Variants in BANP observed in about 807,000 individuals in gnomAD.
BANP encodes the protein protein BANP.
Under a neutral mutation model 68.1 loss-of-function variants are expected in BANP, and 11 were observed. The ratio of observed to expected loss-of-function variants is 0.16; its 90% confidence interval spans 0.10 to 0.27. The LOEUF (loss-of-function observed/expected upper bound fraction) is 0.27, where lower values mean the gene tolerates loss of function less well. BANP is among the 10% of genes least tolerant of loss of function. The pLI is 1.00. For synonymous variants in BANP, 329 were observed against 303.2 expected, an observed-to-expected ratio of 1.09 and a Z score of -0.88; for missense variants, 504 against 722.7, an observed-to-expected ratio of 0.70 and a Z score of 3.47.
chr16:88,002,383 C>G lies in BANP; in HGVS notation c.363-1912C>G, dbSNP rs1458645405. On this transcript the variant is annotated intron_variant, in intron 4 of 13. Transcript: ENST00000682872. This position sits in a 1 kb window ranked among gnomAD's most constrained non-coding sequence, Gnocchi z 4.6. ...TCAGCCGGTGAGGTGCTGGTTTTGT[C>G]ACGCCCGTGCTGGTGTTCAGGTGGC... is the stretch of plus-strand genomic sequence containing the variant. 1.3e-5 allele frequency among the ~76,000 whole-genome samples: 2 copies of G among 152,112 alleles called. No individual in the cohort carries two copies. The highest frequency in any genetic ancestry group is 2.9e-5 in the Non-Finnish European group (2 of 68,022).
At chr16:88,053,155 A>G (rs1260515579) in intron 11 of BANP, among the ~76,000 whole-genome samples, 8 of 151,600 alleles carry the variant, frequency 5.3e-5, no homozygotes, top group African/African-American at 1.7e-4. Flanking sequence ...CACCAACACA[A>G]CCATAACCAC....
chr16:87,967,502 C>G (rs2060255832), intron 1 of BANP, among the ~76,000 whole-genome samples: 1 of 152,022 alleles, frequency 6.6e-6, no homozygotes, highest in African/African-American at 2.4e-5. Flanking sequence ...GTCACTGAGG[C>G]TGGAGTGTAG....
At chr16:88,014,366 T>C (rs538001979) in intron 6 of BANP, among the ~76,000 whole-genome samples, 2 of 151,704 alleles carry the variant, frequency 1.3e-5, no homozygotes, top group Admixed American at 1.3e-4. Context: ...AGGTGGAGCC[T>C]GGGGAGGACG....
chr16:87,984,416 T>C (rs2063887190), intron 4 of BANP, among the ~76,000 whole-genome samples, 157 bp downstream of exon 4: 1 of 152,244 alleles, frequency 6.6e-6, no homozygotes, highest in Non-Finnish European at 1.5e-5. Context: ...GACTTTTAGT[T>C]AGACCGAAAC....
intron 11 of BANP, among the ~76,000 whole-genome samples, chr16:88,044,586 A>T (rs1206303758): frequency 6.6e-6 from 1 of 152,248 alleles, no homozygotes; most frequent in African/African-American, 2.4e-5. Flanking sequence ...ATGATCGCTA[A>T]TGTCTCTTTC....
At chr16:88,025,731 CCT>C (rs2076864735) in intron 7 of BANP, among the ~76,000 whole-genome samples, 1 of 152,200 alleles carries the variant, frequency 6.6e-6, no homozygotes, top group Admixed American at 6.5e-5. Flanking sequence ...AACACTTCTT[CCT>C]CTGTTTTAAT....
In BANP at chr16:87,975,145, G is replaced by C; in HGVS notation, c.30G>C (p.Val10=). Residue 10 remains valine (V), a synonymous_variant, in exon 2 of 14, where the codon GTG becomes GTC. Coordinates refer to ENST00000682872, the MANE Select transcript of BANP (RefSeq NM_001386991.1). MMSEHDLAD[V]VQIAVEDLSP... is the part of the protein sequence containing the mutation. ...TGTCGGAACACGACCTGGCCGATGT[G>C]GTTCAGATTGCAGTGGAAGACCTGA... 1 of 1,614,110 alleles carries C rather than the reference G, an allele frequency of 6.2e-7. No individual in the cohort carries two copies. The highest frequency in any genetic ancestry group is 8.5e-7 in the Non-Finnish European group (1 of 1,179,998).
chr16:88,027,001 G>GACAT (rs2077128884), intron 7 of BANP, among the ~76,000 whole-genome samples: 1 of 152,258 alleles, frequency 6.6e-6, no homozygotes, highest in Non-Finnish European at 1.5e-5. Context: ...GTGAAGCCAG[G>GACAT]ACATGAAGGA....
At chr16:87,968,878 T>A (rs2060608687) in intron 1 of BANP, among the ~76,000 whole-genome samples, 1 of 152,226 alleles carries the variant, frequency 6.6e-6, no homozygotes, top group South Asian at 2.1e-4. Context: ...TATACTTCTT[T>A]TTCTTTTTGA....
intron 1 of BANP, chr16:87,966,798 G>C (rs942070271): frequency 3.3e-5 from 5 of 152,332 alleles, no homozygotes; most frequent in African/African-American, 4.8e-5. Context: ...CTTGGGTTTA[G>C]TCTGGCTGCA....
chr16:88,000,291 C>T (rs28418354), intron 4 of BANP, among the ~76,000 whole-genome samples: 517 of 6,698 alleles, frequency 0.077, 149 homozygotes, highest in Non-Finnish European at 0.17. Context: ...CGCACGTGCG[C>T]GGCTGTACTT....
intron 13 of BANP, among the ~76,000 whole-genome samples, chr16:88,074,920 T>C (rs762564348): frequency 2.6e-5 from 4 of 152,188 alleles, no homozygotes; most frequent in Non-Finnish European, 5.9e-5. Flanking sequence ...AAGCACAACC[T>C]GGACCAGGTG....
chr16:88,073,156 G>T (rs2090779475), intron 13 of BANP, among the ~76,000 whole-genome samples: 1 of 152,246 alleles, frequency 6.6e-6, no homozygotes, highest in Admixed American at 6.5e-5. Context: ...GGCGCTTGCT[G>T]AAGAAGTGGG....
chr16:88,008,834 T>C lies in BANP; in HGVS notation c.655+2569T>C, dbSNP rs1403673126. On this transcript the variant is annotated intron_variant, in intron 6 of 13. Transcript: ENST00000682872. ...GGGTGAACTGCAGAACTTTTTCTCA[T>C]CTTAAATTTGACTTTATTTTGAAGG... Among the ~76,000 whole-genome samples, 5 of 152,354 alleles carry C rather than the reference T, an allele frequency of 3.3e-5. 1 individual carries two copies. Among genetic ancestry groups the C allele is most frequent in the Admixed American group, 3.3e-4 (5 of 15,300 alleles).
intron 1 of BANP, among the ~76,000 whole-genome samples, chr16:87,965,454 G>A (rs1323214931): frequency 6.6e-6 from 1 of 152,010 alleles, no homozygotes; most frequent in Non-Finnish European, 1.5e-5. Context: ...CAAGGGTGAT[G>A]CTGAGGGACC....
rs1256393683 is a variant in BANP at position 88,002,486 on chromosome 16, T to C, written c.363-1809T>C. ...TTCAGAGCAGAGGTTGTTTTTTAGGTGGGAAAAGGGCTTTGTGGAAGGGAA... is the reference window on the plus strand; with the variant it reads ...TTCAGAGCAGAGGTTGTTTTTTAGGCGGGAAAAGGGCTTTGTGGAAGGGAA... On this transcript the variant is annotated intron_variant, in intron 4 of 13. Transcript: ENST00000682872. This position sits in a 1 kb window ranked among gnomAD's most constrained non-coding sequence, Gnocchi z 4.6. Among the ~76,000 whole-genome samples, 2 of 151,742 alleles carry C rather than the reference T, an allele frequency of 1.3e-5. No individual in the cohort carries two copies. The highest frequency in any genetic ancestry group is 4.8e-5 in the African/African-American group (2 of 41,268).
intron 11 of BANP, among the ~76,000 whole-genome samples, chr16:88,058,852 T>C (rs1015034409): frequency 6.6e-6 from 1 of 152,132 alleles, no homozygotes; most frequent in African/African-American, 2.4e-5. Flanking sequence ...CTCTTATTTA[T>C]AATGTTCAGG....
chr16:87,978,417 A>C, intron 2 of BANP: 1 of 348,168 alleles, frequency 2.9e-6, no homozygotes, highest in South Asian at 2.1e-5. Flanking sequence ...AATGAGTACG[A>C]GGGTCTCTCT....
rs868841320 is a variant in BANP, at chr16:87,974,987, C to G, written c.-68-61C>G. 3 of 777,604 alleles carry G rather than the reference C, an allele frequency of 3.9e-6. No homozygotes were observed. In the East Asian group the frequency reaches 8.0e-5, roughly 21 times the overall value. 48.2% of individuals were successfully genotyped at this position (777,604 alleles called of 1,614,324 possible). ...ATACACGTGCTCGGCTCGTGGTTTT[C>G]ATAATTTCACGTGTAGCGATGGTTA... On this transcript the variant is annotated intron_variant, in intron 1 of 13. Transcript: ENST00000682872.
Sources: allele counts gnomAD v4.1 joint callset (sites outside exome capture counted in the v4.1 genomes callset), GRCh38; gene constraint gnomAD v4.1.1; non-coding constraint Gnocchi (gnomAD v3.1); transcripts MANE v1.5; gene names NCBI Gene and HGNC (gene_info 2026-07-23, HGNC 2026-07-21).